Variants in TTC39C observed in about 807,000 individuals in gnomAD.
The protein encoded by TTC39C is tetratricopeptide repeat protein 39C.
A neutral mutation model predicts 76.3 loss-of-function variants in TTC39C; 33 were observed. The ratio of observed to expected loss-of-function variants is 0.43; its 90% CI spans 0.33 to 0.58. The LOEUF is 0.58. TTC39C is among the 20% of genes least tolerant of loss of function. The pLI is 0.04. For synonymous variants in TTC39C, 254 were observed against 260.6 expected, an observed-to-expected ratio of 0.97 and a Z score of 0.24; for missense variants, 595 against 701.4, an observed-to-expected ratio of 0.85 and a Z score of 1.71.
chr18:24,114,355 G>A (rs2084863999), intron 6 of TTC39C, 199 bp from the exon 7 acceptor site: 1 of 487,818 alleles, frequency 2.0e-6, no homozygotes, highest in Non-Finnish European at 3.7e-6. Context: ...AGCAAGGAGA[G>A]GTTCTCTGTG....
intron 1 of TTC39C, among the ~76,000 whole-genome samples, chr18:24,039,538 C>T (rs76256703): frequency 0.03 from 4,501 of 152,252 alleles, 238 homozygotes; most frequent in African/African-American, 0.1. Context: ...CAGTGTGTTG[C>T]CCACGTTGGT....
At chr18:24,132,040 GA>G in intron 13 of TTC39C, 120 bp downstream of exon 13, 2 of 926,332 alleles carry the variant, frequency 2.2e-6, no homozygotes, top group Non-Finnish European at 3.2e-6. Flanking sequence ...TTCTGGAAAG[GA>G]AAAATGACAA....
intron 6 of TTC39C, among the ~76,000 whole-genome samples, chr18:24,083,375 G>A (rs2084400800): frequency 6.6e-6 from 1 of 152,188 alleles, no homozygotes; most frequent in Non-Finnish European, 1.5e-5. Flanking sequence ...TAGTTGCTGA[G>A]TTGAAAAATA....
chr18:24,038,869 T>C (rs1453672403), intron 1 of TTC39C, among the ~76,000 whole-genome samples: 1 of 152,120 alleles, frequency 6.6e-6, no homozygotes, highest in Non-Finnish European at 1.5e-5. Flanking sequence ...GAGAGTGAGA[T>C]GTCTTCCTTC....
At chr18:24,020,096 G>A in intron 1 of TTC39C, 2 of 1,286,212 alleles carry the variant, frequency 1.6e-6, no homozygotes, top group South Asian at 2.7e-5. Flanking sequence ...GTCCACAGAT[G>A]CAGAGATGTA....
At chr18:24,082,074 G>A (rs2084383313) in intron 5 of TTC39C, among the ~76,000 whole-genome samples, 2 of 145,576 alleles carry the variant, frequency 1.4e-5, no homozygotes, top group African/African-American at 2.6e-5. Context: ...GTGGAGTGCA[G>A]TGGCGCGATC....
intron 1 of TTC39C, among the ~76,000 whole-genome samples, chr18:24,003,839 T>A (rs1322519438): frequency 6.6e-6 from 1 of 152,142 alleles, no homozygotes; most frequent in Non-Finnish European, 1.5e-5. Flanking sequence ...CCTCAAACTT[T>A]TGGGCTTGAG....
At chr18:24,014,111 A>T (rs1349196216), upstream of TTC39C, among the ~76,000 whole-genome samples, 1 of 152,202 alleles carries the variant, frequency 6.6e-6, no homozygotes, top group African/African-American at 2.4e-5. Context: ...GCTGCGGGGC[A>T]GGTGCCAGAG....
intron 1 of TTC39C, among the ~76,000 whole-genome samples, chr18:24,002,100 ACTT>A (rs1353573735): frequency 6.6e-6 from 1 of 152,098 alleles, no homozygotes; most frequent in African/African-American, 2.4e-5. Flanking sequence ...TTTTTGGACA[ACTT>A]CTCACCCATT....
At chr18:24,072,430 G>C (rs986520531) in intron 4 of TTC39C, among the ~76,000 whole-genome samples, 4 of 152,134 alleles carry the variant, frequency 2.6e-5, no homozygotes, top group African/African-American at 9.7e-5. Flanking sequence ...CAAGTAGCTA[G>C]GATTACAGGT....
intron 1 of TTC39C, among the ~76,000 whole-genome samples, chr18:24,054,981 G>T (rs2083997807): frequency 6.6e-6 from 1 of 152,190 alleles, no homozygotes; most frequent in Non-Finnish European, 1.5e-5. Context: ...CTTCATAGAA[G>T]TGGAATCATA....
intron 6 of TTC39C, among the ~76,000 whole-genome samples, chr18:24,092,740 G>T (rs1349475856): frequency 6.6e-6 from 1 of 152,182 alleles, no homozygotes; most frequent in East Asian, 1.9e-4. Context: ...TGAGGGAACA[G>T]TGTGGAGTGA....
intron 1 of TTC39C, among the ~76,000 whole-genome samples, chr18:24,019,385 T>C (rs2083492813): frequency 6.6e-6 from 1 of 152,236 alleles, no homozygotes; most frequent in African/African-American, 2.4e-5. Flanking sequence ...ACATGTATCG[T>C]TACTATGAAT....
intron 1 of TTC39C, among the ~76,000 whole-genome samples, chr18:23,996,895 G>T (rs1182801142): frequency 4.0e-5 from 6 of 150,902 alleles, no homozygotes; most frequent in Non-Finnish European, 8.9e-5. Flanking sequence ...GGATCACAAG[G>T]TCAGAAGATC....
chr18:24,103,925 C>G (rs1193490451), intron 6 of TTC39C, among the ~76,000 whole-genome samples: 1 of 148,284 alleles, frequency 6.7e-6, no homozygotes, highest in East Asian at 2.2e-4. Flanking sequence ...CCCACATTCT[C>G]TCTCTGTTTT....
At chr18:24,021,110 A>G (rs1343107334) in intron 1 of TTC39C, among the ~76,000 whole-genome samples, 1 of 152,162 alleles carries the variant, frequency 6.6e-6, no homozygotes, top group African/African-American at 2.4e-5. Flanking sequence ...TGGGACTGGA[A>G]GAGGCTACGA....
At chr18:24,019,671 G>A (rs1002400557) in intron 1 of TTC39C, among the ~76,000 whole-genome samples, 1 of 152,204 alleles carries the variant, frequency 6.6e-6, no homozygotes, top group Non-Finnish European at 1.5e-5. Context: ...CCAGGAGTTG[G>A]TAAACTATGG....
At chr18:24,063,992 A>T in intron 1 of TTC39C, 148 bp from the exon 2 acceptor site, 1 of 1,082,866 alleles carries the variant, frequency 9.2e-7, no homozygotes, top group Non-Finnish European at 1.3e-6. Flanking sequence ...CTTCTTTATT[A>T]GGGTAATTTA....
At chr18:24,087,593 G>GTTTTTTTTTTTGT (rs757639984) in intron 6 of TTC39C, among the ~76,000 whole-genome samples, 1,806 of 132,902 alleles carry the variant, frequency 0.014, 24 homozygotes, top group Non-Finnish European at 0.022. Flanking sequence ...TTTTTTTTTT[G>GTTTTTTTTTTTGT]TTTTTTTTTG....
Sources: allele counts gnomAD v4.1 joint callset (sites outside exome capture counted in the v4.1 genomes callset), GRCh38; gene constraint gnomAD v4.1.1; transcripts MANE v1.5; gene names NCBI Gene and HGNC (gene_info 2026-07-23, HGNC 2026-07-21).